Variants in KCNIP3 observed in about 807,000 individuals in gnomAD.
KCNIP3 encodes the protein calsenilin.
A neutral mutation model predicts 35.0 loss-of-function variants in KCNIP3; 28 were observed. That is an observed-to-expected ratio of 0.80 (90% CI 0.59 to 1.10). The LOEUF (loss-of-function observed/expected upper bound fraction) is 1.10, where lower values mean the gene tolerates loss of function less well. KCNIP3 is among the 50% of genes least tolerant of loss of function. KCNIP3 has a pLI of 0.00. For synonymous variants in KCNIP3, 134 were observed against 133.8 expected (o/e 1.00, Z -0.01); for missense variants, 295 against 338.4 (o/e 0.87, Z 1.01).
At chr2:95,321,475 C>A (rs1358635054) in intron 2 of KCNIP3, among the ~76,000 whole-genome samples, 2 of 152,110 alleles carry the variant, frequency 1.3e-5, no homozygotes, top group Non-Finnish European at 2.9e-5. Flanking sequence ...CTGGGGCACC[C>A]GACGGAGGCA....
intron 1 of KCNIP3, among the ~76,000 whole-genome samples, chr2:95,304,874 G>C (rs1426323212): frequency 6.6e-6 from 1 of 152,076 alleles, no homozygotes; most frequent in East Asian, 1.9e-4. Flanking sequence ...CTGCCTGGCT[G>C]GGCAGGAGCT....
At chr2:95,380,808 A>G (rs1680318406) in intron 5 of KCNIP3, among the ~76,000 whole-genome samples, 1 of 152,178 alleles carries the variant, frequency 6.6e-6, no homozygotes, top group African/African-American at 2.4e-5. Context: ...TGGGGCCAGG[A>G]GTTGGAGACC....
chr2:95,368,928 G>T, intron 2 of KCNIP3: 1 of 155,756 alleles, frequency 6.4e-6, no homozygotes, highest in African/African-American at 2.4e-5. Flanking sequence ...AAAGAGACCG[G>T]AGCAAGACTC....
chr2:95,333,393 GAGAAA>G (rs1487504090), intron 2 of KCNIP3, among the ~76,000 whole-genome samples: 2 of 152,222 alleles, frequency 1.3e-5, no homozygotes, highest in African/African-American at 2.4e-5. Flanking sequence ...CCTCCGGATT[GAGAAA>G]AGAATCAAAA....
chr2:95,306,979 G>A (rs1199532337), intron 1 of KCNIP3, among the ~76,000 whole-genome samples: 1 of 152,222 alleles, frequency 6.6e-6, no homozygotes, highest in African/African-American at 2.4e-5. Context: ...CAGCCTGAGG[G>A]CCCAGGCCGC....
At chr2:95,372,124 G>A (rs1451764457) in intron 2 of KCNIP3, among the ~76,000 whole-genome samples, 1 of 152,136 alleles carries the variant, frequency 6.6e-6, no homozygotes, top group Non-Finnish European at 1.5e-5. Flanking sequence ...CTTTGTATTA[G>A]GAGTATCCCT....
At chr2:95,305,203 G>C (rs1185281059) in intron 1 of KCNIP3, among the ~76,000 whole-genome samples, 1 of 152,202 alleles carries the variant, frequency 6.6e-6, no homozygotes, top group African/African-American at 2.4e-5. Context: ...GGAGGAGAGA[G>C]CCCCAGGTGA....
intron 2 of KCNIP3, among the ~76,000 whole-genome samples, chr2:95,352,076 A>T (rs1573507418): frequency 6.6e-6 from 1 of 152,268 alleles, no homozygotes; most frequent in African/African-American, 2.4e-5. Context: ...CAGCCTGGCC[A>T]ACATGGTAAA....
intron 2 of KCNIP3, among the ~76,000 whole-genome samples, chr2:95,329,637 G>A (rs1326055070): frequency 6.6e-6 from 1 of 152,224 alleles, no homozygotes; most frequent in African/African-American, 2.4e-5. Context: ...CCTGGCTGCC[G>A]GGAGTGGGGG....
chr2:95,330,908 T>TC (rs1273485775), intron 2 of KCNIP3, among the ~76,000 whole-genome samples: 1 of 152,218 alleles, frequency 6.6e-6, no homozygotes, highest in African/African-American at 2.4e-5. Context: ...AACGATATAT[T>TC]GCAAGGGAAT....
At chr2:95,305,469 T>C (rs1214015647) in intron 1 of KCNIP3, among the ~76,000 whole-genome samples, 3 of 152,212 alleles carry the variant, frequency 2.0e-5, no homozygotes, top group Non-Finnish European at 4.4e-5. Context: ...TCTGCAATGA[T>C]GCAACCCACC....
intron 2 of KCNIP3, among the ~76,000 whole-genome samples, chr2:95,372,226 T>C (rs1471846351): frequency 1.3e-5 from 2 of 152,138 alleles, no homozygotes; most frequent in Non-Finnish European, 2.9e-5. Context: ...CATCCATCCA[T>C]CCATCCACGC....
chr2:95,382,593 A>G lies in KCNIP3; in HGVS notation c.660+112A>G. On this transcript the variant is annotated intron_variant, in intron 7 of 8. Coordinates refer to ENST00000295225, the MANE Select transcript of KCNIP3 (RefSeq NM_013434.5). The surrounding 1 kb of genome is among the most constrained non-coding windows in gnomAD (Gnocchi z 4.5). ...GCCCCTCTGAGCCTCCCTACTCCCC[A>G]TGAGGAGGTTAAACTTGCCCCTCCA... is the stretch of plus-strand genomic sequence containing the variant. The G allele has an allele frequency of 1.5e-6, 1 of 667,590 alleles. No individual in the cohort carries two copies. The highest frequency in any genetic ancestry group is 2.8e-5 in the East Asian group (1 of 35,260). The allele number at this position is 667,590 out of a possible 1,614,324, so 41.4% of individuals were successfully genotyped here.
At chr2:95,348,786 T>G (rs1314672099) in intron 2 of KCNIP3, among the ~76,000 whole-genome samples, 5 of 152,070 alleles carry the variant, frequency 3.3e-5, no homozygotes, top group African/African-American at 9.7e-5. Flanking sequence ...TTGATCCAGT[T>G]GGGGGAGCTC....
intron 2 of KCNIP3, among the ~76,000 whole-genome samples, chr2:95,324,217 T>C (rs1678665263): frequency 1.3e-5 from 2 of 152,192 alleles, no homozygotes; most frequent in African/African-American, 2.4e-5. Flanking sequence ...GAAGTTTTTC[T>C]TAATAACGTG....
intron 6 of KCNIP3, 61 bp downstream of exon 6, chr2:95,381,764 C>A: frequency 8.9e-7 from 1 of 1,125,816 alleles, no homozygotes; most frequent in South Asian, 1.3e-5. Flanking sequence ...CCACCCCTCC[C>A]GCCGCTCTTC....
chr2:95,326,113 A>G (rs1331662831), intron 2 of KCNIP3, among the ~76,000 whole-genome samples: 3 of 152,034 alleles, frequency 2.0e-5, no homozygotes, highest in African/African-American at 7.3e-5. Flanking sequence ...ATACACATAC[A>G]CATACACGCA....
chr2:95,321,090 G>A (rs1269443487), intron 2 of KCNIP3, among the ~76,000 whole-genome samples: 1 of 53,674 alleles, frequency 1.9e-5, no homozygotes, highest in Non-Finnish European at 3.8e-5. Context: ...CCTGCCCCCC[G>A]AGCCTTCCCT....
chr2:95,315,171 A>T (rs1314519989), intron 2 of KCNIP3, among the ~76,000 whole-genome samples: 3 of 152,070 alleles, frequency 2.0e-5, no homozygotes, highest in Non-Finnish European at 2.9e-5. Context: ...AGGGAAGGTC[A>T]CACCCAGAGT....
Sources: gnomAD v4.1 joint callset for allele counts (sites outside exome capture counted in the v4.1 genomes callset) on GRCh38, gnomAD v4.1.1 for gene constraint, Gnocchi (gnomAD v3.1) non-coding constraint, MANE v1.5 for transcripts, NCBI Gene and HGNC (gene_info 2026-07-23, HGNC 2026-07-21) for gene names.